Variants in ADCY8 observed in about 807,000 individuals in gnomAD.
ADCY8 encodes the protein adenylate cyclase 8.
Under a neutral mutation model 119.7 loss-of-function variants are expected in ADCY8, and 51 were observed. The ratio of observed to expected loss-of-function variants is 0.43; its 90% CI spans 0.34 to 0.54. ADCY8 has a LOEUF of 0.54. Ranked by LOEUF, ADCY8 falls within the 20% of genes least tolerant of loss-of-function variation. ADCY8 has a pLI of 0.03. For synonymous variants in ADCY8, 665 were observed against 651.0 expected, an observed-to-expected ratio of 1.02 and a Z score of -0.33; for missense variants, 1,383 against 1,598.8, an observed-to-expected ratio of 0.87 and a Z score of 2.30.
At chr8:130,919,345 A>G (rs1279815554) in intron 5 of ADCY8, among the ~76,000 whole-genome samples, 2 of 152,120 alleles carry the variant, frequency 1.3e-5, no homozygotes, top group Non-Finnish European at 2.9e-5. Flanking sequence ...GTATGTTGTG[A>G]TGGGCTATGG....
rs550479063 is a variant in ADCY8 at position 130,898,079 on chromosome 8, G to A, written c.1911+5693C>T. Among the ~76,000 whole-genome samples the A allele has an allele frequency of 1.5e-3, 235 of 152,040 alleles. 1 individual carries two copies. The highest frequency in any genetic ancestry group is 5.3e-3 in the African/African-American group (218 of 41,438). ...AGATGACACCCAGCATATATCTTCAGGCCACAAAGATGGAAGCAGTGTGAA... is the reference window on the plus strand; with the variant it reads ...AGATGACACCCAGCATATATCTTCAAGCCACAAAGATGGAAGCAGTGTGAA... On this transcript the variant is annotated intron_variant, in intron 7 of 17. Coordinates refer to ENST00000286355, the MANE Select transcript of ADCY8 (RefSeq NM_001115.3).
At chr8:130,989,922 A>C (rs1487643325) in intron 2 of ADCY8, among the ~76,000 whole-genome samples, 1 of 152,158 alleles carries the variant, frequency 6.6e-6, no homozygotes, top group Non-Finnish European at 1.5e-5. Flanking sequence ...TGTCGACAGG[A>C]CTTTTTTGTG....
At chr8:130,863,829 T>C (rs77187989) in intron 9 of ADCY8, among the ~76,000 whole-genome samples, 10,336 of 152,184 alleles carry the variant, frequency 0.068, 352 homozygotes, top group Middle Eastern at 0.14. Context: ...AAATACATTG[T>C]TAATATTGTT....
chr8:130,938,174 G>C (rs1378710026), intron 4 of ADCY8, among the ~76,000 whole-genome samples: 1 of 152,094 alleles, frequency 6.6e-6, no homozygotes, highest in Admixed American at 6.6e-5. Flanking sequence ...GTGAGTCTTT[G>C]GGTAAACTAC....
chr8:130,932,661 T>A (rs1394076035), intron 5 of ADCY8, among the ~76,000 whole-genome samples: 1 of 152,220 alleles, frequency 6.6e-6, no homozygotes, highest in Non-Finnish European at 1.5e-5. Flanking sequence ...TTAGCTCTTT[T>A]GAAGCTATTT....
chr8:130,870,444 A>G (rs1034414962), intron 8 of ADCY8, among the ~76,000 whole-genome samples: 1 of 152,118 alleles, frequency 6.6e-6, no homozygotes, highest in Non-Finnish European at 1.5e-5. Flanking sequence ...TTTTCATAAC[A>G]TTCTTGATGT....
chr8:130,957,473 C>T (rs761518660), intron 2 of ADCY8, among the ~76,000 whole-genome samples: 4 of 152,116 alleles, frequency 2.6e-5, no homozygotes, highest in Non-Finnish European at 4.4e-5. Flanking sequence ...TGCAACTTGA[C>T]GATGTGATAG....
chr8:130,900,205 C>G (rs1304545942), intron 7 of ADCY8, among the ~76,000 whole-genome samples: 1 of 152,128 alleles, frequency 6.6e-6, no homozygotes, highest in Non-Finnish European at 1.5e-5. Flanking sequence ...AGAATGGGGT[C>G]AAACCAACAA....
chr8:130,944,458 C>T (rs1821049859), intron 3 of ADCY8, among the ~76,000 whole-genome samples: 1 of 152,124 alleles, frequency 6.6e-6, no homozygotes, highest in African/African-American at 2.4e-5. Flanking sequence ...TTAGTGTTGC[C>T]TAAAATAATG....
chr8:130,954,794 C>A (rs948309465), intron 2 of ADCY8, among the ~76,000 whole-genome samples: 1 of 152,190 alleles, frequency 6.6e-6, no homozygotes, highest in Admixed American at 6.5e-5. Context: ...AACTGCACTT[C>A]CTACAAAATG....
At chr8:130,792,664 C>G (rs1174594023) in intron 15 of ADCY8, among the ~76,000 whole-genome samples, 2 of 152,214 alleles carry the variant, frequency 1.3e-5, no homozygotes, top group East Asian at 3.8e-4. Context: ...GACCCTGTCT[C>G]ATCACCTCCT....
At chr8:131,039,342 G>A (rs1196294739) in intron 1 of ADCY8, 32 bp downstream of exon 1, 1 of 1,604,768 alleles carries the variant, frequency 6.2e-7, no homozygotes, top group African/African-American at 1.3e-5. Context: ...GGAAGTTAGA[G>A]GGGAAACAAA....
intron 10 of ADCY8, 25 bp from the exon 11 acceptor site, chr8:130,847,538 AG>A (rs748260558): frequency 7.5e-6 from 11 of 1,460,136 alleles, no homozygotes; most frequent in African/African-American, 4.3e-5. Flanking sequence ...AAAAAAAAAA[AG>A]AACAACAAAA....
chr8:130,856,550 C>T (rs754231880), intron 9 of ADCY8, among the ~76,000 whole-genome samples: 4 of 152,146 alleles, frequency 2.6e-5, no homozygotes, highest in Admixed American at 6.5e-5. Context: ...GAGGTGCCTT[C>T]GGTCAGGACC....
chr8:130,783,313 A>C (rs138260935), intron 17 of ADCY8, among the ~76,000 whole-genome samples: 2 of 152,186 alleles, frequency 1.3e-5, no homozygotes, highest in African/African-American at 4.8e-5. Context: ...AGACCTTGAG[A>C]GCAATACATT....
chr8:131,034,042 G>A (rs1427665044), intron 1 of ADCY8, among the ~76,000 whole-genome samples: 1 of 152,012 alleles, frequency 6.6e-6, no homozygotes, highest in Non-Finnish European at 1.5e-5. Flanking sequence ...GGGGTTTTAA[G>A]AAATGCACAC....
chr8:130,986,600 C>G (rs1019716555), intron 2 of ADCY8, among the ~76,000 whole-genome samples: 1 of 152,146 alleles, frequency 6.6e-6, no homozygotes, highest in Admixed American at 6.5e-5. Flanking sequence ...AGCAAGCCTC[C>G]TGGAGAAAGG....
rs376945684 is a variant in ADCY8, at chr8:130,787,800, CAT to C, written c.3061-2327_3061-2326del. Among the ~76,000 whole-genome samples, 45 of 151,426 alleles carry C rather than the reference CAT, an allele frequency of 3.0e-4. 1 individual carries two copies. Among genetic ancestry groups the C allele is most frequent in the South Asian group, 1.0e-3 (5 of 4,792 alleles). On this transcript the variant is annotated intron_variant, in intron 15 of 17. Transcript: ENST00000286355. The stretch of plus-strand genomic sequence containing the variant: ...GTGCCTGTGTGTGGGTGCACACACA[CAT>C]GTGTGTTGTTTATGTGCATGTGCAT...
At chr8:130,826,996 AC>A (rs1318369842) in intron 12 of ADCY8, among the ~76,000 whole-genome samples, 2 of 152,200 alleles carry the variant, frequency 1.3e-5, no homozygotes, top group East Asian at 3.8e-4. Flanking sequence ...GCAAACCAAC[AC>A]GGCACATGTA....
Sources: gnomAD v4.1 joint callset for allele counts (sites outside exome capture counted in the v4.1 genomes callset) on GRCh38, gnomAD v4.1.1 for gene constraint, MANE v1.5 for transcripts, NCBI Gene and HGNC (gene_info 2026-07-23, HGNC 2026-07-21) for gene names.